The following ATG7 variants were observed in gnomAD, a reference collection of about 807,000 sequenced individuals.
The protein encoded by ATG7 is ubiquitin-like modifier-activating enzyme ATG7.
A neutral mutation model predicts 82.4 loss-of-function variants in ATG7; 70 were observed. The observed-to-expected ratio is 0.85, with a 90% CI of 0.70 to 1.04. The LOEUF (loss-of-function observed/expected upper bound fraction) is 1.04, where lower values mean the gene tolerates loss of function less well. Ranked by LOEUF, ATG7 falls within the 50% of genes least tolerant of loss-of-function variation. ATG7 has a pLI of 0.00. For missense variants in ATG7, 792 were observed against 864.3 expected, an observed-to-expected ratio of 0.92 and a Z score of 1.05; for synonymous variants, 287 against 313.0, an observed-to-expected ratio of 0.92 and a Z score of 0.88.
At chr3:11,380,408 G>C (rs149553737) in intron 19 of ATG7, among the ~76,000 whole-genome samples, 14 of 152,276 alleles carry the variant, frequency 9.2e-5, no homozygotes, top group African/African-American at 3.4e-4. Flanking sequence ...GCGTTACTCT[G>C]AGGGTGAGGC....
At chr3:11,518,408 G>T (rs1034257530) in intron 20 of ATG7, among the ~76,000 whole-genome samples, 3 of 152,094 alleles carry the variant, frequency 2.0e-5, no homozygotes, top group African/African-American at 7.2e-5. Flanking sequence ...TTAGCTGGGC[G>T]TGGTGGCATG....
At chr3:11,468,358 T>C (rs562459131) in intron 20 of ATG7, among the ~76,000 whole-genome samples, 1 of 152,290 alleles carries the variant, frequency 6.6e-6, no homozygotes, top group Non-Finnish European at 1.5e-5. Context: ...CTGGAAGAAC[T>C]GATGGCTTTT....
chr3:11,491,786 G>A (rs1034275167), intron 20 of ATG7, among the ~76,000 whole-genome samples: 15 of 152,172 alleles, frequency 9.9e-5, no homozygotes, highest in East Asian at 3.9e-4. Context: ...GCAGAATAGC[G>A]AATTTTTGTG....
chr3:11,397,037 C>G (rs2079357552), intron 19 of ATG7, among the ~76,000 whole-genome samples: 1 of 151,816 alleles, frequency 6.6e-6, no homozygotes, highest in African/African-American at 2.4e-5. Flanking sequence ...AAAACAAGTA[C>G]AAGATACAAA....
chr3:11,519,796 T>C (rs1270378522), intron 20 of ATG7, among the ~76,000 whole-genome samples: 4 of 151,886 alleles, frequency 2.6e-5, no homozygotes, highest in Admixed American at 1.3e-4. Flanking sequence ...CTCCTGACCT[T>C]GTGATCCGCC....
the ATG7 span, among the ~76,000 whole-genome samples, chr3:11,567,522 C>T: frequency 6.6e-6 from 1 of 152,216 alleles, no homozygotes; most frequent in African/African-American, 2.4e-5. Flanking sequence ...CCACGCCACA[C>T]ACATCCTGGC....
chr3:11,443,374 G>A (rs2152972742), intron 20 of ATG7, among the ~76,000 whole-genome samples: 1 of 152,262 alleles, frequency 6.6e-6, no homozygotes, highest in African/African-American at 2.4e-5. Flanking sequence ...CATGTTTGAG[G>A]TGGTTTCCTT....
chr3:11,477,243 G>T (rs1272395873), intron 20 of ATG7: 2 of 1,279,440 alleles, frequency 1.6e-6, no homozygotes, highest in Non-Finnish European at 2.0e-6. Flanking sequence ...TCGCCCATCT[G>T]ATTCTTGGCT....
intron 20 of ATG7, among the ~76,000 whole-genome samples, chr3:11,490,047 T>C (rs1158994700): frequency 2.0e-5 from 3 of 152,150 alleles, no homozygotes; most frequent in Admixed American, 2.0e-4. Context: ...ACTTTCTGTC[T>C]CTTTGATCTG....
intron 20 of ATG7, among the ~76,000 whole-genome samples, chr3:11,490,878 G>A (rs1163539214): frequency 3.9e-5 from 6 of 152,102 alleles, no homozygotes; most frequent in East Asian, 1.9e-4. Context: ...TGGGTAACCT[G>A]ACCTTTCTCT....
intron 20 of ATG7, among the ~76,000 whole-genome samples, chr3:11,544,779 T>C (rs1250203894): frequency 6.6e-6 from 1 of 152,210 alleles, no homozygotes. Flanking sequence ...TATGGAATCA[T>C]ATCCAGAACA....
intron 9 of ATG7, among the ~76,000 whole-genome samples, chr3:11,325,253 G>A (rs1663858712): frequency 6.6e-6 from 1 of 152,160 alleles, no homozygotes; most frequent in Admixed American, 6.5e-5. Flanking sequence ...CTGTCATGGT[G>A]GTGGATTGGA....
At chr3:11,364,330 C>G (rs1396391929) in intron 17 of ATG7, among the ~76,000 whole-genome samples, 5 of 152,322 alleles carry the variant, frequency 3.3e-5, no homozygotes, top group South Asian at 2.1e-4. Context: ...ATATGCCGAA[C>G]ATTGCACTCG....
chr3:11,568,830 ACT>A, the ATG7 span: 4 of 1,411,018 alleles, frequency 2.8e-6, no homozygotes, highest in Non-Finnish European at 3.7e-6. This position sits in a 1 kb window ranked among gnomAD's most constrained non-coding sequence, Gnocchi z 5.9. Flanking sequence ...CACCCAAAGG[ACT>A]CTGAGTGGCT....
intron 11 of ATG7, among the ~76,000 whole-genome samples, chr3:11,336,163 A>G (rs1044027351): frequency 1.3e-5 from 2 of 148,906 alleles, no homozygotes; most frequent in Admixed American, 6.8e-5. Flanking sequence ...CCTCCTGAGT[A>G]GCTGGGACTA....
chr3:11,291,867 C>A (rs1945030872), intron 3 of ATG7, among the ~76,000 whole-genome samples: 1 of 152,164 alleles, frequency 6.6e-6, no homozygotes, highest in Non-Finnish European at 1.5e-5. Context: ...GGAACATCAG[C>A]CATGCAGAAG....
rs113096318 is a variant in ATG7 at position 11,340,509 on chromosome 3, A to G, written c.890-136A>G. ...AAATTCAGGCCCTCAAGTCTCTTTTAGAAAGAAGCAAACCAAAAGCTTGTC... is the reference window on the plus strand; with the variant it reads ...AAATTCAGGCCCTCAAGTCTCTTTTGGAAAGAAGCAAACCAAAAGCTTGTC... On this transcript the variant is annotated intron_variant, in intron 11 of 20. Transcript: ENST00000693202. The G allele has an allele frequency of 1.3e-4, 93 of 695,678 alleles. 2 individuals carry two copies. Among genetic ancestry groups the G allele is most frequent in the African/African-American group, 1.3e-3 (69 of 54,722 alleles). The allele number at this position is 695,678 out of a possible 1,614,324, so 43.1% of individuals were successfully genotyped here.
intron 20 of ATG7, among the ~76,000 whole-genome samples, chr3:11,523,730 T>G (rs2092501397): frequency 6.6e-6 from 1 of 152,202 alleles, no homozygotes; most frequent in South Asian, 2.1e-4. Flanking sequence ...CTGTACCTTG[T>G]GATGTTAGAA....
At chr3:11,372,059 A>G (rs2077036620) in intron 18 of ATG7, among the ~76,000 whole-genome samples, 1 of 151,400 alleles carries the variant, frequency 6.6e-6, no homozygotes, top group Admixed American at 6.6e-5. Context: ...CCCCACGGTG[A>G]GGACGGTGTG....
Sources: allele counts gnomAD v4.1 joint callset (sites outside exome capture counted in the v4.1 genomes callset), GRCh38; gene constraint gnomAD v4.1.1; non-coding constraint Gnocchi (gnomAD v3.1); transcripts MANE v1.5; gene names NCBI Gene and HGNC (gene_info 2026-07-23, HGNC 2026-07-21).